The following CSAD variants were observed in gnomAD, a reference collection of about 807,000 sequenced individuals.
CSAD encodes cysteine sulfinic acid decarboxylase.
Under a neutral mutation model 61.5 loss-of-function variants are expected in CSAD, and 47 were observed. That is an observed-to-expected ratio of 0.76 (90% CI 0.60 to 0.97). CSAD has a LOEUF of 0.97. Among genes scored for constraint, CSAD ranks in the 50% least tolerant of loss-of-function variants. The probability of loss-of-function intolerance (pLI) is 0.00; values close to 1 mark genes in which losing one functional copy is unlikely to be tolerated. For missense variants in CSAD, 611 were observed against 643.6 expected (o/e 0.95, Z 0.55); for synonymous variants, 245 against 252.7 (o/e 0.97, Z 0.29).
chr12:53,171,295 G>T, intron 8 of CSAD, 31 bp downstream of exon 8: 1 of 1,613,564 alleles, frequency 6.2e-7, no homozygotes, highest in Non-Finnish European at 8.5e-7. Context: ...AGAATCAGGA[G>T]CCCAGGGTTG....
At chr12:53,175,076 G>A (rs1941003950) in intron 2 of CSAD, among the ~76,000 whole-genome samples, 1 of 152,198 alleles carries the variant, frequency 6.6e-6, no homozygotes, top group African/African-American at 2.4e-5. Context: ...ATTACCCTAG[G>A]TGCTGCATCT....
rs528904651 is a variant in CSAD, at chr12:53,158,758, A to T, written c.1309-74T>A. 10 of 1,419,812 alleles carry T rather than the reference A, an allele frequency of 7.0e-6. No homozygotes were observed. In the South Asian group the frequency reaches 7.8e-5, roughly 11 times the overall value. 88.0% of individuals were successfully genotyped at this position (1,419,812 alleles called of 1,614,324 possible). A position where few individuals can be genotyped will look rare whatever the true frequency, so the allele number is the denominator to read the frequency against. ...AGGTAGGCTGGCTTCTTGTCCTGCC[A>T]GGCTTCCAGAGGTGCTTTTCCTTCC... is the stretch of plus-strand genomic sequence containing the variant. On this transcript the variant is annotated intron_variant, in intron 16 of 16. Transcript: ENST00000444623.
At chr12:53,169,041 G>A (rs992525857) in intron 10 of CSAD, among the ~76,000 whole-genome samples, 3 of 151,706 alleles carry the variant, frequency 2.0e-5, no homozygotes, top group Admixed American at 1.3e-4. Context: ...TTAGCCAGGC[G>A]TGTTGATGCA....
In CSAD at chr12:53,160,200, A is replaced by C; in HGVS notation, c.1086T>G (p.Cys362Trp). Residue 362 changes from cysteine to tryptophan, a missense_variant, in exon 14 of 17, where the codon TGT becomes TGG. Physicochemically the swap from Cys to Trp is radical, Grantham distance 215. Transcript: ENST00000444623. ...CCTTCCACATGAGCCACAGCTTCAG[A>C]CAGTCCACACGGCGGCCACACTGCA... is the stretch of plus-strand genomic sequence containing the variant. ...KVVQCGRRVD[C>W]LKLWLMWKAQ... is the part of the protein sequence containing the mutation. 1.9e-6 allele frequency: 3 copies of C among 1,614,166 alleles called. No individual in the cohort carries two copies. Among genetic ancestry groups the C allele is most frequent in the Non-Finnish European group, 2.5e-6 (3 of 1,180,024 alleles).
chr12:53,171,565 A>C (rs1940582423), intron 7 of CSAD, 124 bp from the exon 8 acceptor site: 1 of 879,784 alleles, frequency 1.1e-6, no homozygotes, highest in Non-Finnish European at 1.8e-6. Context: ...CCCAGGCCAC[A>C]ATTCTCAGGA....
chr12:53,160,143 G>A lies in CSAD; in HGVS notation c.1143C>T (p.Ile381=), dbSNP rs201454144. 128 of 1,613,572 alleles carry A rather than the reference G, an allele frequency of 7.9e-5. No homozygotes were observed. The East Asian group carries it at 2.3e-3, about 29-fold the overall frequency. Residue 381 remains isoleucine, a synonymous_variant, in exon 14 of 17, where the codon ATC becomes ATT. Coordinates refer to ENST00000444623, the MANE Select transcript of CSAD (RefSeq NM_001244705.2). ...ACCGGGCAAGGACAAAGGCCTGGTCGATGCGCCGCTCCAGCCCTTGATCGC... is the reference window on the plus strand; with the variant it reads ...ACCGGGCAAGGACAAAGGCCTGGTCAATGCGCCGCTCCAGCCCTTGATCGC... ...AQGDQGLERR[I]DQAFVLARYL...
intron 2 of CSAD, among the ~76,000 whole-genome samples, chr12:53,175,224 A>G (rs1453007900): frequency 6.6e-6 from 1 of 152,242 alleles, no homozygotes; most frequent in Non-Finnish European, 1.5e-5. Context: ...TTCAAGGACA[A>G]AACACTAAGG....
intron 2 of CSAD, among the ~76,000 whole-genome samples, chr12:53,175,497 G>A (rs1941036505): frequency 6.6e-6 from 1 of 152,138 alleles, no homozygotes; most frequent in Non-Finnish European, 1.5e-5. Context: ...CATTAATAAA[G>A]GCACAAACTC....
At position 53,158,289 on chromosome 12, in the gene CSAD, C is replaced by T. The variant is rs1389650277; in HGVS notation, c.*222G>A. On this transcript the variant is annotated 3_prime_UTR_variant, in exon 17 of 17. Transcript: ENST00000444623. ...TAGCTGGGTTTACAGGCACAGGCCACCATGCTCGGCTAATTTTTGTATTTT... is the reference window on the plus strand; with the variant it reads ...TAGCTGGGTTTACAGGCACAGGCCATCATGCTCGGCTAATTTTTGTATTTT... The T allele has an allele frequency of 5.3e-6, 2 of 377,000 alleles. No homozygotes were observed. The highest frequency in any genetic ancestry group is 3.2e-5 in the South Asian group (1 of 31,022). 23.4% of individuals were successfully genotyped at this position (377,000 alleles called of 1,614,324 possible).
intron 2 of CSAD, among the ~76,000 whole-genome samples, chr12:53,174,194 GCT>G (rs1940924272): frequency 3.3e-5 from 5 of 150,808 alleles, no homozygotes; most frequent in Non-Finnish European, 7.4e-5. Flanking sequence ...GTCCCAGCTA[GCT>G]ACTCTGGAGG....
rs1940695672 is a variant in CSAD, at chr12:53,172,422, A to C, written c.268T>G (p.Phe90Val). The C allele has an allele frequency of 1.2e-6, 2 of 1,614,036 alleles. No homozygotes were observed. Among genetic ancestry groups the C allele is most frequent in the African/African-American group, 2.7e-5 (2 of 74,916 alleles). ...TCCAACCCAGAGAAGAGCTGGTTGA[A>C]GAACCGAGGGTGACCTGGAGAAGGA... ...YSVKTGHPRF[F>V]NQLFSGLDPH... The change falls in exon 6 of 17, where the codon TTC (phenylalanine) becomes GTC (valine). Residue 90 changes from phenylalanine to valine, a missense_variant. Transcript: ENST00000444623.
intron 10 of CSAD, among the ~76,000 whole-genome samples, chr12:53,162,932 A>G (rs1329833629): frequency 2.0e-5 from 3 of 151,488 alleles, no homozygotes; most frequent in Admixed American, 6.6e-5. Context: ...ATGGTGGCAC[A>G]TGCCTGTAAT....
chr12:53,170,212 A>G, intron 9 of CSAD, 86 bp from the exon 10 acceptor site: 1 of 1,287,078 alleles, frequency 7.8e-7, no homozygotes, highest in Non-Finnish European at 1.1e-6. Flanking sequence ...CAGAGACAAC[A>G]GTGCTAGTTT....
rs1938822612 is a variant in CSAD at position 53,158,523 on chromosome 12, G to A, written c.1470C>T (p.Gly490=). The change falls in exon 17 of 17, where the codon GGC becomes GGT. Residue 490 remains glycine (G), a synonymous_variant. Coordinates refer to ENST00000444623, the MANE Select transcript of CSAD (RefSeq NM_001244705.2). The stretch of plus-strand genomic sequence containing the variant: ...AGACAGAGAAGGCTCACAGGTCCTG[G>A]CCTAGCCGCTCCAGCTCGTTGAGGA... ...DFLLNELERL[G]QDL is the part of the protein sequence containing the mutation. 5.0e-6 allele frequency: 8 copies of A among 1,613,100 alleles called. No individual in the cohort carries two copies. The highest frequency in any genetic ancestry group is 1.3e-5 in the African/African-American group (1 of 74,370).
At position 53,180,739 on chromosome 12, in the gene CSAD, C is replaced by G. The variant is rs1404282131; in HGVS notation, c.-98G>C. 7.9e-7 allele frequency: 1 copy of G among 1,263,938 alleles called. No individual in the cohort carries two copies. The highest frequency in any genetic ancestry group is 2.4e-5 in the Admixed American group (1 of 41,050). 78.3% of individuals were successfully genotyped at this position (1,263,938 alleles called of 1,614,324 possible). A position where few individuals can be genotyped will look rare whatever the true frequency, so the allele number is the denominator to read the frequency against. On this transcript the variant is annotated 5_prime_UTR_variant, in exon 1 of 17. Transcript: ENST00000444623. Reference sequence around the variant, plus strand: ...TGGTGTTTGTAAACTTGCCTCGGTCCCGGTGGGGGCAGCCGCGGCGGTGGG... The same window carrying G: ...TGGTGTTTGTAAACTTGCCTCGGTCGCGGTGGGGGCAGCCGCGGCGGTGGG...
At chr12:53,159,850 G>C in intron 15 of CSAD, 37 bp downstream of exon 15, 1 of 1,569,360 alleles carries the variant, frequency 6.4e-7, no homozygotes. Flanking sequence ...AAAGAGCTAG[G>C]CTGGGGCAGG....
At chr12:53,173,144 G>T (rs1940784166) in intron 4 of CSAD, 1 of 520,202 alleles carries the variant, frequency 1.9e-6, no homozygotes, top group South Asian at 2.2e-5. Flanking sequence ...GGAGACGGAG[G>T]TTGCAGTGAG....
At chr12:53,173,249 A>G in intron 4 of CSAD, 96 bp downstream of exon 4, 1 of 1,114,076 alleles carries the variant, frequency 9.0e-7, no homozygotes, top group Non-Finnish European at 1.3e-6. Flanking sequence ...AGAAAGAAGG[A>G]AGGAAGGGGG....
At chr12:53,170,722 GTTTT>G in intron 8 of CSAD, 17 of 448,552 alleles carry the variant, frequency 3.8e-5, no homozygotes, top group South Asian at 2.1e-4. Context: ...GCATTTGTTT[GTTTT>G]TTTTTTTTTT....
Sources: allele counts gnomAD v4.1 joint callset (sites outside exome capture counted in the v4.1 genomes callset), GRCh38; gene constraint gnomAD v4.1.1; transcripts MANE v1.5; gene names NCBI Gene and HGNC (gene_info 2026-07-23, HGNC 2026-07-21).